The following KALRN variants were observed in gnomAD, a reference collection of about 807,000 sequenced individuals.
KALRN encodes the protein kalirin.
A neutral mutation model predicts 353.7 loss-of-function variants in KALRN; 70 were observed. That is an observed-to-expected ratio of 0.20 (90% CI 0.16 to 0.24). The LOEUF (loss-of-function observed/expected upper bound fraction) is 0.24, where lower values mean the gene tolerates loss of function less well. Ranked by LOEUF, KALRN falls within the 10% of genes least tolerant of loss-of-function variation. The pLI is 1.00. For synonymous variants in KALRN, 1,391 were observed against 1,434.8 expected (o/e 0.97, Z 0.69); for missense variants, 2,791 against 3,756.7 (o/e 0.74, Z 6.72).
intron 1 of KALRN, among the ~76,000 whole-genome samples, chr3:124,093,095 G>A (rs2061218824): frequency 6.6e-6 from 1 of 152,160 alleles, no homozygotes; most frequent in South Asian, 2.1e-4. Flanking sequence ...AAGGCAGTTG[G>A]GGGGCAGGGG....
Position 124,722,962 on chromosome 3 carries a change from A to G in KALRN, c.*3492A>G, listed in dbSNP as rs1452902913. On this transcript the variant is annotated 3_prime_UTR_variant, in exon 60 of 60. Coordinates refer to ENST00000682506, the MANE Select transcript of KALRN (RefSeq NM_001388419.1). ...ATAATAACTTTTAAGAAGTATTAAT[A>G]TAATGATTTCCTACATCTTTTACAT... The G allele has an allele frequency of 3.3e-5, 5 of 152,264 alleles. No homozygotes were observed. Among genetic ancestry groups the G allele is most frequent in the Non-Finnish European group, 7.3e-5 (5 of 68,046 alleles). 9.4% of individuals were successfully genotyped at this position (152,264 alleles called of 1,614,324 possible).
Position 124,619,482 on chromosome 3 carries a change from C to CTTTT in KALRN, c.5183-12919_5183-12916dup, listed in dbSNP as rs59009780. Among the ~76,000 whole-genome samples, 178 of 104,586 alleles carry CTTTT rather than the reference C, an allele frequency of 1.7e-3. 2 individuals carry two copies. Among genetic ancestry groups the CTTTT allele is most frequent in the Middle Eastern group, 6.5e-3 (1 of 154 alleles). The allele number at this position is 104,586 out of a possible 152,430, so 68.6% of individuals were successfully genotyped here. ...GTGATAATTCCTTTTTATTTTCCTTCTTTTTTTTTTTTTTTTTTTTTTGAG... is the reference window on the plus strand; with the variant it reads ...GTGATAATTCCTTTTTATTTTCCTTCTTTTTTTTTTTTTTTTTTTTTTTTTTGAG... On this transcript the variant is annotated intron_variant, in intron 34 of 59. Transcript: ENST00000682506.
chr3:124,459,161 A>G (rs1434244363), intron 23 of KALRN, among the ~76,000 whole-genome samples: 1 of 152,162 alleles, frequency 6.6e-6, no homozygotes. Context: ...GACTTGCTCT[A>G]GGTATTCAGA....
intron 32 of KALRN, 66 bp from the exon 33 acceptor site, chr3:124,496,245 G>T: frequency 8.2e-7 from 1 of 1,214,166 alleles, no homozygotes; most frequent in Non-Finnish European, 1.2e-6. Context: ...GGAAATCCTT[G>T]TGTGCTCTAA....
intron 37 of KALRN, among the ~76,000 whole-genome samples, chr3:124,640,023 T>C (rs1158225311): frequency 6.6e-6 from 1 of 152,186 alleles, no homozygotes; most frequent in Non-Finnish European, 1.5e-5. Context: ...AGCACTAAGT[T>C]GCATTTTCAC....
intron 1 of KALRN, among the ~76,000 whole-genome samples, chr3:124,070,840 C>T (rs2059982811): frequency 1.3e-5 from 2 of 152,216 alleles, no homozygotes; most frequent in African/African-American, 4.8e-5. Flanking sequence ...GGGCCTGTCC[C>T]TTCTCCTTTC....
At chr3:124,537,744 C>A (rs1357708708) in intron 33 of KALRN, among the ~76,000 whole-genome samples, 2 of 152,266 alleles carry the variant, frequency 1.3e-5, no homozygotes, top group East Asian at 1.9e-4. Flanking sequence ...GTCTAGGTAG[C>A]AGATGAGTAG....
chr3:124,455,876 T>C (rs959607258), intron 22 of KALRN, among the ~76,000 whole-genome samples: 2 of 152,228 alleles, frequency 1.3e-5, no homozygotes, highest in African/African-American at 4.8e-5. Flanking sequence ...TAGGGGTTAG[T>C]AACCTGTGAA....
At chr3:124,623,399 T>TATACACACACACACACAC (rs2079529815) in intron 34 of KALRN, among the ~76,000 whole-genome samples, 1 of 136,444 alleles carries the variant, frequency 7.3e-6, no homozygotes. Flanking sequence ...TATTTATTTA[T>TATACACACACACACACAC]ACACACACAC....
intron 2 of KALRN, among the ~76,000 whole-genome samples, chr3:124,230,865 A>C (rs892811864): frequency 1.7e-5 from 2 of 120,708 alleles, no homozygotes; most frequent in African/African-American, 2.9e-5. Flanking sequence ...ACCAAAAAAA[A>C]AAAAAACAAA....
intron 26 of KALRN, among the ~76,000 whole-genome samples, chr3:124,476,853 G>C (rs2061476421): frequency 6.6e-6 from 1 of 152,170 alleles, no homozygotes; most frequent in Non-Finnish European, 1.5e-5. Context: ...TTCATTATTT[G>C]TTTTTGTATT....
At position 124,495,965 on chromosome 3, in the gene KALRN, GTA is replaced by G. The variant is rs768441029; in HGVS notation, c.4833-299_4833-298del. ...CCCAAGTGTGTGTATGTGTATGTAT[GTA>G]TATATATATATATATATATATATAT... On this transcript the variant is annotated intron_variant, in intron 32 of 59. Coordinates refer to ENST00000682506, the MANE Select transcript of KALRN (RefSeq NM_001388419.1). Among the ~76,000 whole-genome samples, 164 of 41,456 alleles carry G rather than the reference GTA, an allele frequency of 4.0e-3. 6 individuals carry two copies. Among genetic ancestry groups the G allele is most frequent in the Middle Eastern group, 0.036 (3 of 84 alleles). The allele number at this position is 41,456 out of a possible 152,430, so 27.2% of individuals were successfully genotyped here.
chr3:124,444,664 T>G (rs1167110841), intron 19 of KALRN, among the ~76,000 whole-genome samples: 1 of 150,488 alleles, frequency 6.6e-6, no homozygotes, highest in East Asian at 2.0e-4. Context: ...ACAAATTGAC[T>G]GGGTGTGGTG....
chr3:124,321,026 T>A (rs1254696994), intron 6 of KALRN, among the ~76,000 whole-genome samples: 1 of 152,244 alleles, frequency 6.6e-6, no homozygotes, highest in Non-Finnish European at 1.5e-5. Flanking sequence ...TACTTTTTAC[T>A]AATACTTTGA....
chr3:124,397,604 T>C (rs918292048), intron 12 of KALRN, among the ~76,000 whole-genome samples: 15 of 152,214 alleles, frequency 9.9e-5, no homozygotes, highest in Non-Finnish European at 2.1e-4. Flanking sequence ...CAAGGCCCTA[T>C]GGAATCTAAA....
intron 7 of KALRN, among the ~76,000 whole-genome samples, chr3:124,328,716 A>C (rs1012276419): frequency 1.3e-5 from 2 of 152,218 alleles, no homozygotes; most frequent in Admixed American, 6.5e-5. Flanking sequence ...GTGACAACAA[A>C]ACTAGAACGC....
intron 47 of KALRN, among the ~76,000 whole-genome samples, chr3:124,669,502 C>A (rs1190315124): frequency 1.3e-5 from 2 of 152,142 alleles, no homozygotes; most frequent in Non-Finnish European, 2.9e-5. Flanking sequence ...TTGTAAATAA[C>A]CAGGTAATAT....
intron 17 of KALRN, among the ~76,000 whole-genome samples, chr3:124,435,657 G>A (rs2093434782): frequency 6.6e-6 from 1 of 152,108 alleles, no homozygotes; most frequent in African/African-American, 2.4e-5. Flanking sequence ...CTGCAGCCAG[G>A]GTGAGAGTCT....
At chr3:124,058,442 G>A (rs1166236325) in intron 1 of KALRN, among the ~76,000 whole-genome samples, 1 of 152,154 alleles carries the variant, frequency 6.6e-6, no homozygotes, top group Non-Finnish European at 1.5e-5. Context: ...GCCGCAAGCA[G>A]AACAGGTTGT....
Sources: allele counts gnomAD v4.1 joint callset (sites outside exome capture counted in the v4.1 genomes callset), GRCh38; gene constraint gnomAD v4.1.1; transcripts MANE v1.5; gene names NCBI Gene and HGNC (gene_info 2026-07-23, HGNC 2026-07-21).